Variants in TMEM132D observed in about 807,000 individuals in gnomAD.
TMEM132D encodes the protein transmembrane protein 132D, also known as mature OL transmembrane protein.
A neutral mutation model predicts 62.3 loss-of-function variants in TMEM132D; 21 were observed. The ratio of observed to expected loss-of-function variants is 0.34; its 90% CI spans 0.24 to 0.49. The LOEUF is 0.49. Ranked by LOEUF, TMEM132D falls within the 20% of genes least tolerant of loss-of-function variation. TMEM132D has a pLI of 0.99. For synonymous variants in TMEM132D, 621 were observed against 575.6 expected (o/e 1.08, Z -1.13); for missense variants, 1,346 against 1,402.8 (o/e 0.96, Z 0.65).
intron 4 of TMEM132D, among the ~76,000 whole-genome samples, chr12:129,264,244 C>T (rs1040587919): frequency 6.6e-6 from 1 of 152,178 alleles, no homozygotes; most frequent in African/African-American, 2.4e-5. Flanking sequence ...CAAAAATTAG[C>T]TGGGCATGGT....
intron 2 of TMEM132D, among the ~76,000 whole-genome samples, chr12:129,675,092 A>T (rs1360609806): frequency 6.6e-6 from 1 of 152,202 alleles, no homozygotes; most frequent in Non-Finnish European, 1.5e-5. Flanking sequence ...TGCAGAGAAA[A>T]CACAGTGAGA....
At chr12:129,417,212 C>T (rs996732374) in intron 3 of TMEM132D, among the ~76,000 whole-genome samples, 2 of 152,010 alleles carry the variant, frequency 1.3e-5, no homozygotes, top group Admixed American at 6.6e-5. Flanking sequence ...TTAATTACTG[C>T]CTCAATTTCA....
At chr12:129,285,792 TG>T (rs1881279923) in intron 4 of TMEM132D, among the ~76,000 whole-genome samples, 1 of 152,094 alleles carries the variant, frequency 6.6e-6, no homozygotes, top group African/African-American at 2.4e-5. Context: ...CTGTAAAACA[TG>T]TAATTTCAAC....
intron 3 of TMEM132D, among the ~76,000 whole-genome samples, chr12:129,446,660 A>T (rs1174489770): frequency 6.6e-6 from 1 of 152,196 alleles, no homozygotes; most frequent in Non-Finnish European, 1.5e-5. Flanking sequence ...TATTCACAGC[A>T]TTACTGCTTC....
intron 5 of TMEM132D, among the ~76,000 whole-genome samples, chr12:129,128,806 G>A (rs1264672223): frequency 1.3e-5 from 2 of 151,590 alleles, no homozygotes; most frequent in East Asian, 3.9e-4. Context: ...TTATGTTCAT[G>A]TGTGCCCATT....
At chr12:129,093,371 G>A (rs1180876742) in intron 5 of TMEM132D, among the ~76,000 whole-genome samples, 1 of 152,000 alleles carries the variant, frequency 6.6e-6, no homozygotes, top group Non-Finnish European at 1.5e-5. Flanking sequence ...AAAATCACAA[G>A]CATTCTTATA....
intron 3 of TMEM132D, among the ~76,000 whole-genome samples, chr12:129,436,135 C>T (rs115912216): frequency 6.6e-6 from 1 of 152,154 alleles, no homozygotes; most frequent in East Asian, 1.9e-4. Context: ...GGATGAGAAT[C>T]TCAGCCTAAA....
intron 2 of TMEM132D, among the ~76,000 whole-genome samples, chr12:129,591,642 G>C (rs992315196): frequency 6.6e-6 from 1 of 151,156 alleles, no homozygotes; most frequent in Non-Finnish European, 1.5e-5. Flanking sequence ...GTCACTGAAG[G>C]TACAGTGATA....
chr12:129,157,872 C>T (rs1041487809), intron 5 of TMEM132D, among the ~76,000 whole-genome samples: 1 of 152,118 alleles, frequency 6.6e-6, no homozygotes, highest in Non-Finnish European at 1.5e-5. Flanking sequence ...GCTAGATATT[C>T]TCTATTAGGG....
At chr12:129,564,591 C>T (rs1399506057) in intron 2 of TMEM132D, among the ~76,000 whole-genome samples, 1 of 152,176 alleles carries the variant, frequency 6.6e-6, no homozygotes, top group Non-Finnish European at 1.5e-5. Context: ...GAACACGTCC[C>T]TCGGCCACTC....
chr12:129,507,928 A>G (rs957542875), intron 3 of TMEM132D, among the ~76,000 whole-genome samples: 13 of 151,800 alleles, frequency 8.6e-5, no homozygotes, highest in African/African-American at 2.7e-4. Flanking sequence ...AGACACCAAA[A>G]CTCCACCACA....
At chr12:129,384,422 T>A (rs1341647963) in intron 3 of TMEM132D, among the ~76,000 whole-genome samples, 1 of 152,088 alleles carries the variant, frequency 6.6e-6, no homozygotes, top group African/African-American at 2.4e-5. Context: ...TGTAGACCAC[T>A]TTTTAAAGTC....
chr12:129,625,308 G>A (rs75867923), intron 2 of TMEM132D, among the ~76,000 whole-genome samples: 1 of 152,136 alleles, frequency 6.6e-6, no homozygotes, highest in Non-Finnish European at 1.5e-5. Context: ...ATTTTTGTAA[G>A]TTTCAAGAAA....
Position 129,184,990 on chromosome 12 carries a change from T to C in TMEM132D, c.1443+24530A>G, listed in dbSNP as rs562326690. Among the ~76,000 whole-genome samples the C allele has an allele frequency of 2.0e-4, 31 of 152,286 alleles. No individual in the cohort carries two copies. In the South Asian group the frequency reaches 3.1e-3, roughly 15 times the overall value. Reference sequence around the variant, plus strand: ...AACTAATTTGCTAAACAAACCACAGTGGACCTAGGTGGAAATTATTTCACT... The same window carrying C: ...AACTAATTTGCTAAACAAACCACAGCGGACCTAGGTGGAAATTATTTCACT... On this transcript the variant is annotated intron_variant, in intron 5 of 8. Coordinates refer to ENST00000422113, the MANE Select transcript of TMEM132D (RefSeq NM_133448.3).
At chr12:129,750,232 C>A (rs1041389504) in intron 1 of TMEM132D, among the ~76,000 whole-genome samples, 4 of 152,028 alleles carry the variant, frequency 2.6e-5, no homozygotes, top group African/African-American at 7.2e-5. Flanking sequence ...ATTACAGGCA[C>A]CCGCCACCAC....
At chr12:129,086,190 TCA>T (rs1874611360) in intron 5 of TMEM132D, among the ~76,000 whole-genome samples, 4 of 105,474 alleles carry the variant, frequency 3.8e-5, no homozygotes, top group Admixed American at 1.9e-4. Context: ...CCTCACATAG[TCA>T]CGCGCGCGCG....
intron 1 of TMEM132D, among the ~76,000 whole-genome samples, chr12:129,748,042 T>C (rs1476958912): frequency 6.6e-6 from 1 of 152,178 alleles, no homozygotes; most frequent in East Asian, 1.9e-4. Flanking sequence ...TTTCTGTGCA[T>C]TTGCAACAGG....
intron 5 of TMEM132D, among the ~76,000 whole-genome samples, chr12:129,129,814 T>G (rs1324503310): frequency 6.6e-6 from 1 of 152,158 alleles, no homozygotes; most frequent in Admixed American, 6.5e-5. Context: ...TGTTCATGAA[T>G]GCAACTCTAA....
At chr12:129,883,469 C>T (rs939790890) in intron 1 of TMEM132D, among the ~76,000 whole-genome samples, 3 of 152,154 alleles carry the variant, frequency 2.0e-5, no homozygotes, top group Non-Finnish European at 4.4e-5. Flanking sequence ...GGTGGATTTT[C>T]TGCAGGTTCA....
Sources: allele counts gnomAD v4.1 joint callset (sites outside exome capture counted in the v4.1 genomes callset), GRCh38; gene constraint gnomAD v4.1.1; transcripts MANE v1.5; gene names NCBI Gene and HGNC (gene_info 2026-07-23, HGNC 2026-07-21).